The following UNC13D variants were observed in gnomAD, a reference collection of about 807,000 sequenced individuals.
The protein encoded by UNC13D is unc-13 homolog D, also known as protein unc-13 homolog D.
Under a neutral mutation model 151.7 loss-of-function variants are expected in UNC13D, and 115 were observed. The observed-to-expected ratio is 0.76, with a 90% CI of 0.65 to 0.88. The LOEUF (loss-of-function observed/expected upper bound fraction) is 0.88. Ranked by LOEUF, UNC13D falls within the 40% of genes least tolerant of loss-of-function variation. The pLI, the probability that UNC13D is intolerant of heterozygous loss-of-function variation, is 0.00. For synonymous variants in UNC13D, 588 were observed against 612.2 expected (o/e 0.96, Z 0.58); for missense variants, 1,369 against 1,438.7 (o/e 0.95, Z 0.78).
Position 75,832,931 on chromosome 17 carries a change from T to A in UNC13D, c.2447+35A>T. 6.5e-7 allele frequency: 1 copy of A among 1,547,130 alleles called. No individual in the cohort carries two copies. Among genetic ancestry groups the A allele is most frequent in the East Asian group, 2.4e-5 (1 of 42,330 alleles). On this transcript the variant is annotated intron_variant, in intron 25 of 31. Coordinates refer to ENST00000207549, the MANE Select transcript of UNC13D (RefSeq NM_199242.3). This position sits in a 1 kb window ranked among gnomAD's most constrained non-coding sequence, Gnocchi z 4.3. ...GGGGCCGTGGGAGGAGAGGGGGAGG[T>A]GGCGAGCGCGCCCAGGGCAGGGGCT...
chr17:75,827,628 GCCAGGGCCAGGAGACAGATGGC>G lies in UNC13D; in HGVS notation c.*315_*336del, dbSNP rs1376866529. ...AACAGGAAGGCCAGGAGGCAGATGG[GCCAGGGCCAGGAGACAGATGGC>G]CCAATCCCCTGCCCACCACAGCAGC... On this transcript the variant is annotated 3_prime_UTR_variant, in exon 32 of 32. Transcript: ENST00000207549. 1.3e-6 allele frequency: 2 copies of G among 1,535,342 alleles called. No individual in the cohort carries two copies. Among genetic ancestry groups the G allele is most frequent in the South Asian group, 1.2e-5 (1 of 84,042 alleles).
chr17:75,829,985 A>C (rs1796180921), intron 30 of UNC13D, 43 bp downstream of exon 30: 1 of 1,561,750 alleles, frequency 6.4e-7, no homozygotes, highest in African/African-American at 1.3e-5. Flanking sequence ...CCCAGTGGGG[A>C]GAGATGAGGG....
rs1302541348 is a variant in UNC13D, at chr17:75,835,678, G to C, written c.1696C>G (p.Leu566Val). Residue 566 changes from leucine (L) to valine (V), a missense_variant, in exon 19 of 32, where the codon CTC (leucine) becomes GTC (valine). By Grantham distance (32) the Leu-to-Val change is conservative. Transcript: ENST00000207549. ...LFQLYISLKELCQLRMSSSER... is the reference protein window; with the variant it reads ...LFQLYISLKEVCQLRMSSSER... ...GAGGAGCTCATGCGCAGCTGGCAGA[G>C]CTCCTTGAGGCTGATGTAGAGCTGG... 3.1e-6 allele frequency: 5 copies of C among 1,613,338 alleles called. No homozygotes were observed. Among genetic ancestry groups the C allele is most frequent in the African/African-American group, 2.7e-5 (2 of 74,944 alleles).
intron 30 of UNC13D, 160 bp downstream of exon 30, chr17:75,829,868 A>G (rs2062149082): frequency 1.1e-5 from 13 of 1,153,084 alleles, no homozygotes; most frequent in Admixed American, 4.4e-5. Flanking sequence ...GTGAGCCACC[A>G]CATCCAGCTG....
chr17:75,836,480 C>T (rs2064909825), intron 14 of UNC13D, 51 bp from the exon 15 acceptor site: 2 of 1,612,284 alleles, frequency 1.2e-6, no homozygotes, highest in East Asian at 4.5e-5. Flanking sequence ...CCACACTGCA[C>T]TCACTCCTCC....
rs941579324 is a variant in UNC13D at position 75,840,643 on chromosome 17, C to T, written c.684-67G>A. On this transcript the variant is annotated intron_variant, in intron 8 of 31. Transcript: ENST00000207549. This position sits in a 1 kb window ranked among gnomAD's most constrained non-coding sequence, Gnocchi z 4.6. The stretch of plus-strand genomic sequence containing the variant: ...CGGAAGGGATTAGGCTGGAATCCAC[C>T]CCCGGCCGCAGCCACCTGGACCCCA... 3.1e-6 allele frequency: 5 copies of T among 1,611,220 alleles called. No individual in the cohort carries two copies. The highest frequency in any genetic ancestry group is 1.3e-5 in the African/African-American group (1 of 74,852).
At chr17:75,838,884 A>C (rs1049573322) in intron 12 of UNC13D, among the ~76,000 whole-genome samples, 1 of 151,506 alleles carries the variant, frequency 6.6e-6, no homozygotes, top group Admixed American at 6.6e-5. Context: ...GCGGATCATG[A>C]GGTCAGGAGA....
At chr17:75,836,772 C>G (rs1183148223) in intron 13 of UNC13D, 29 bp downstream of exon 13, 1 of 1,613,674 alleles carries the variant, frequency 6.2e-7, no homozygotes, top group South Asian at 1.1e-5. Flanking sequence ...GCCCTGCCTG[C>G]TCAGTGCCCC....
At chr17:75,834,037 C>T in intron 24 of UNC13D, 38 bp downstream of exon 24, 2 of 1,611,906 alleles carry the variant, frequency 1.2e-6, no homozygotes, top group Non-Finnish European at 8.5e-7. Context: ...ACAGAGCTGG[C>T]AGGGTGGTGA....
In UNC13D at chr17:75,834,259, T is replaced by A. The variant is rs965611726; in HGVS notation, c.2298+66A>T. 89 of 1,582,596 alleles carry A rather than the reference T, an allele frequency of 5.6e-5. No homozygotes were observed. The African/African-American group carries it at 6.3e-4, about 11-fold the overall frequency. Reference sequence around the variant, plus strand: ...GGTCAGGGTTGGACCTTGGCCCAGGTGCTGCTGGAGCCAGGTAGGCTGAAG... The same window carrying A: ...GGTCAGGGTTGGACCTTGGCCCAGGAGCTGCTGGAGCCAGGTAGGCTGAAG... On this transcript the variant is annotated intron_variant, in intron 23 of 31. Transcript: ENST00000207549.
chr17:75,836,990 G>C (rs1266865747), intron 12 of UNC13D, 72 bp from the exon 13 acceptor site: 2 of 1,515,744 alleles, frequency 1.3e-6, no homozygotes, highest in Non-Finnish European at 1.8e-6. Context: ...CCGGCCTCAG[G>C]TGGGGGGAAT....
chr17:75,843,494 G>A lies in UNC13D; in HGVS notation c.143C>T (p.Ser48Phe), dbSNP rs1349079353. The A allele has an allele frequency of 1.2e-6, 2 of 1,611,058 alleles. No individual in the cohort carries two copies. The highest frequency in any genetic ancestry group is 8.5e-7 in the Non-Finnish European group (1 of 1,179,246). Residue 48 changes from serine (S) to phenylalanine (F), a missense_variant, in exon 2 of 32, where the codon TCC becomes TTC. Physicochemically the swap from Ser to Phe is radical, Grantham distance 155. This residue lies in a region of UNC13D where 550 missense variants were observed against 609.0 expected (regional missense o/e 0.90). Transcript: ENST00000207549. ...PEIQPPSHHF[S>F]PEQRALLYED... ...CACTCTGACTCTTACCTGCTCGGGGGAGAAGTGGTGGGATGGAGGCTGGAT... is the reference window on the plus strand; with the variant it reads ...CACTCTGACTCTTACCTGCTCGGGGAAGAAGTGGTGGGATGGAGGCTGGAT...
At position 75,828,887 on chromosome 17, in the gene UNC13D, C is replaced by T. The variant is rs368211297; in HGVS notation, c.3051G>A (p.Glu1017=). Residue 1017 remains glutamate, a synonymous_variant, in exon 31 of 32, where the codon GAG becomes GAA. Transcript: ENST00000207549. The stretch of plus-strand genomic sequence containing the variant: ...GCACCTCACGCAGCGGCAGGAAGGC[C>T]TCGCCTTCCAGGTCGTCGGCCCCCA... ...DTLGADDLEG[E]AFLPLREVPG... is the part of the protein sequence containing the mutation. 18 of 1,605,144 alleles carry T rather than the reference C, an allele frequency of 1.1e-5. No homozygotes were observed. The highest frequency in any genetic ancestry group is 1.5e-5 in the Non-Finnish European group (18 of 1,178,770).
chr17:75,835,653 G>C lies in UNC13D; in HGVS notation c.1721C>G (p.Ser574Ter), dbSNP rs981574088. 1 of 1,613,290 alleles carries C rather than the reference G, an allele frequency of 6.2e-7. No homozygotes were observed. The highest frequency in any genetic ancestry group is 1.7e-5 in the Admixed American group (1 of 60,024). ...CAATTGGCCTGCTGCCCACCTCTCTGAGGAGCTCATGCGCAGCTGGCAGAG... is the reference window on the plus strand; with the variant it reads ...CAATTGGCCTGCTGCCCACCTCTCTCAGGAGCTCATGCGCAGCTGGCAGAG... ...KELCQLRMSS[S>*]ERDGVLALDN... Residue 574 changes from serine to a stop codon, truncating the protein, a stop_gained, in exon 19 of 32, where the codon TCA (serine) becomes TGA (stop). Transcript: ENST00000207549. LOFTEE classifies it high-confidence loss of function.
At position 75,836,840 on chromosome 17, in the gene UNC13D, G is replaced by A. The variant is rs751624266; in HGVS notation, c.1134C>T (p.Ile378=). 52 of 1,613,904 alleles carry A rather than the reference G, an allele frequency of 3.2e-5. No individual in the cohort carries two copies. The highest frequency in any genetic ancestry group is 3.0e-5 in the Non-Finnish European group (35 of 1,180,040). The change falls in exon 13 of 32, where the codon ATC becomes ATT. Residue 378 remains isoleucine, a synonymous_variant. Transcript: ENST00000207549. The part of the protein sequence containing the change: ...SSCLLHPITS[I]EYQWIQGRLK... ...GCCGACCCTGGATCCACTGGTACTCGATGCTGGTGATGGGGTGCAGGAGGC... is the reference window on the plus strand; with the variant it reads ...GCCGACCCTGGATCCACTGGTACTCAATGCTGGTGATGGGGTGCAGGAGGC...
chr17:75,839,672 G>C (rs570517915), intron 12 of UNC13D, among the ~76,000 whole-genome samples, 167 bp downstream of exon 12: 1 of 152,056 alleles, frequency 6.6e-6, no homozygotes, highest in Non-Finnish European at 1.5e-5. Flanking sequence ...CGCATCAGCC[G>C]AATCTCTAGA....
chr17:75,830,703 C>A, intron 27 of UNC13D, 42 bp from the exon 28 acceptor site: 1 of 1,550,292 alleles, frequency 6.5e-7, no homozygotes, highest in South Asian at 1.2e-5. Flanking sequence ...GACTGCACGC[C>A]CAACCACAGC....
At chr17:75,831,688 C>T (rs1347959875) in intron 25 of UNC13D, 2 of 352,118 alleles carry the variant, frequency 5.7e-6, no homozygotes, top group East Asian at 5.3e-5. Context: ...CCAGGCCGGG[C>T]GTGGTGGCTC....
chr17:75,830,977 G>A, intron 27 of UNC13D, 121 bp downstream of exon 27: 2 of 1,216,098 alleles, frequency 1.6e-6, no homozygotes, highest in Non-Finnish European at 2.3e-6. Context: ...TTTGAATAAG[G>A]GGCCCAGTTT....
Sources: gnomAD v4.1 joint callset for allele counts (sites outside exome capture counted in the v4.1 genomes callset) on GRCh38, gnomAD v4.1.1 for gene constraint, gnomAD v4.1.1 regional missense constraint, Gnocchi (gnomAD v3.1) non-coding constraint, MANE v1.5 for transcripts, NCBI Gene and HGNC (gene_info 2026-07-23, HGNC 2026-07-21) for gene names.